The following MRPS27 variants were observed in gnomAD, a reference collection of about 807,000 sequenced individuals.
MRPS27 encodes the protein small ribosomal subunit protein mS27.
MRPS27 carries 43 observed loss-of-function variants against 48.9 expected under a neutral mutation model. The ratio of observed to expected loss-of-function variants is 0.88; its 90% CI spans 0.69 to 1.13. The LOEUF is 1.13. Ranked by LOEUF, MRPS27 falls within the 50% of genes most tolerant of loss-of-function variation. The pLI is 0.00. For synonymous variants in MRPS27, 188 were observed against 171.9 expected, an observed-to-expected ratio of 1.09 and a Z score of -0.73; for missense variants, 467 against 476.3, an observed-to-expected ratio of 0.98 and a Z score of 0.18.
At chr5:72,241,498 C>T in intron 4 of MRPS27, 1 of 682,024 alleles carries the variant, frequency 1.5e-6, no homozygotes, top group Non-Finnish European at 2.5e-6. Flanking sequence ...AGTCAAAACA[C>T]TGGGCCAGCG....
At chr5:72,247,180 G>A (rs1748531248) in intron 4 of MRPS27, among the ~76,000 whole-genome samples, 1 of 152,090 alleles carries the variant, frequency 6.6e-6, no homozygotes, top group Admixed American at 6.6e-5. Flanking sequence ...AAAGCTGCTT[G>A]TATTACAATC....
intron 4 of MRPS27, among the ~76,000 whole-genome samples, chr5:72,255,238 A>G (rs1333116136): frequency 6.6e-6 from 1 of 151,534 alleles, no homozygotes; most frequent in Non-Finnish European, 1.5e-5. Context: ...TTTAGTACAG[A>G]TAGGGTTTCT....
chr5:72,287,513 C>G (rs181283109), intron 4 of MRPS27, among the ~76,000 whole-genome samples: 42 of 152,300 alleles, frequency 2.8e-4, no homozygotes, highest in East Asian at 2.1e-3. Context: ...GTGGCAACTG[C>G]CTGTAATCCC....
intron 5 of MRPS27, among the ~76,000 whole-genome samples, chr5:72,235,469 A>C (rs1748175570): frequency 6.6e-6 from 1 of 152,174 alleles, no homozygotes; most frequent in African/African-American, 2.4e-5. Flanking sequence ...GACGTACAAC[A>C]TCAAGAGTGA....
chr5:72,225,189 G>A lies in MRPS27; in HGVS notation c.837+868C>T, dbSNP rs563429809. Among the ~76,000 whole-genome samples, 40 of 152,266 alleles carry A rather than the reference G, an allele frequency of 2.6e-4. 1 individual carries two copies. The highest frequency in any genetic ancestry group is 9.1e-4 in the African/African-American group (38 of 41,552). ...GAAATGTATATCCTTTGTTATAAAC[G>A]TCTGGCAAAGAGCATAATGATTCAC... On this transcript the variant is annotated intron_variant, in intron 9 of 10. Transcript: ENST00000261413.
chr5:72,275,126 A>G (rs983304799), intron 4 of MRPS27, among the ~76,000 whole-genome samples: 3 of 152,182 alleles, frequency 2.0e-5, no homozygotes, highest in Non-Finnish European at 4.4e-5. Context: ...ATATTTAGAA[A>G]AGCCCACTGT....
chr5:72,294,646 T>C (rs1749929966), intron 4 of MRPS27: 1 of 152,172 alleles, frequency 6.6e-6, no homozygotes, highest in Non-Finnish European at 1.5e-5. Context: ...TTTGTACACA[T>C]GGCTGAGTTT....
rs910890584 is a variant in MRPS27, at chr5:72,232,698, A to G, written c.476-140T>C. The G allele has an allele frequency of 1.3e-5, 8 of 609,270 alleles. No homozygotes were observed. In the East Asian group the frequency reaches 2.3e-4, roughly 18 times the overall value. The allele number at this position is 609,270 out of a possible 1,614,324, so 37.7% of individuals were successfully genotyped here. ...ATTAAGAAGTAAAATATGCGGGCTT[A>G]GGCTCTGGCCCTAGTTCTTCCACAA... On this transcript the variant is annotated intron_variant, in intron 6 of 10. Transcript: ENST00000261413.
chr5:72,274,332 C>A (rs560726894), intron 4 of MRPS27, among the ~76,000 whole-genome samples: 1 of 152,130 alleles, frequency 6.6e-6, no homozygotes, highest in African/African-American at 2.4e-5. Context: ...CCAGCCTGGG[C>A]GACAGAGTGA....
At chr5:72,239,373 G>T (rs1056448916) in intron 4 of MRPS27, among the ~76,000 whole-genome samples, 1 of 152,180 alleles carries the variant, frequency 6.6e-6, no homozygotes, top group Non-Finnish European at 1.5e-5. Context: ...TCTGGTGAGA[G>T]ATTTGGCAAA....
intron 4 of MRPS27, chr5:72,295,302 G>C: frequency 2.5e-6 from 1 of 392,254 alleles, no homozygotes; most frequent in Non-Finnish European, 4.5e-6. Context: ...ATACAAAAAA[G>C]AGAACAACCT....
intron 10 of MRPS27, among the ~76,000 whole-genome samples, chr5:72,223,188 T>G (rs886947942): frequency 6.6e-6 from 1 of 152,214 alleles, no homozygotes; most frequent in African/African-American, 2.4e-5. Flanking sequence ...GCAAACTGTT[T>G]ACAGCTTCTA....
chr5:72,303,377 G>A (rs1274777271), intron 2 of MRPS27, among the ~76,000 whole-genome samples: 1 of 152,102 alleles, frequency 6.6e-6, no homozygotes, highest in African/African-American at 2.4e-5. Context: ...GAACTGAAAG[G>A]CAGATAATTA....
chr5:72,298,189 A>C (rs1750029342), intron 2 of MRPS27, among the ~76,000 whole-genome samples: 1 of 152,206 alleles, frequency 6.6e-6, no homozygotes, highest in South Asian at 2.1e-4. Context: ...AACAAGCAAA[A>C]ACCAAATATC....
chr5:72,316,658 A>G (rs1425305574), intron 1 of MRPS27, among the ~76,000 whole-genome samples: 1 of 150,026 alleles, frequency 6.7e-6, no homozygotes, highest in East Asian at 2.0e-4. Flanking sequence ...GTGAGCCACC[A>G]TGCCTGGCCT....
chr5:72,262,211 T>G, intron 4 of MRPS27, among the ~76,000 whole-genome samples: 1 of 152,158 alleles, frequency 6.6e-6, no homozygotes, highest in East Asian at 1.9e-4. Flanking sequence ...ATTTTCTGAT[T>G]CTTGGTTCTT....
intron 4 of MRPS27, among the ~76,000 whole-genome samples, chr5:72,256,205 T>C (rs1309418424): frequency 2.0e-5 from 3 of 152,232 alleles, no homozygotes; most frequent in African/African-American, 7.2e-5. Context: ...AATGTGTATA[T>C]CCGATATATT....
intron 7 of MRPS27, among the ~76,000 whole-genome samples, chr5:72,229,895 T>A (rs187455458): frequency 5.3e-5 from 8 of 152,308 alleles, no homozygotes; most frequent in Non-Finnish European, 1.0e-4. Flanking sequence ...TTTTCTTTTT[T>A]TCTCTTTGGA....
chr5:72,233,232 G>A (rs544362041), intron 6 of MRPS27, among the ~76,000 whole-genome samples: 309 of 152,260 alleles, frequency 2.0e-3, no homozygotes, highest in African/African-American at 7.1e-3. Context: ...AAGCCCCTGA[G>A]TATAACACGT....
Sources: allele counts gnomAD v4.1 joint callset (sites outside exome capture counted in the v4.1 genomes callset), GRCh38; gene constraint gnomAD v4.1.1; transcripts MANE v1.5; gene names NCBI Gene and HGNC (gene_info 2026-07-23, HGNC 2026-07-21).